The following TTLL5 variants were observed in gnomAD, a reference collection of about 807,000 sequenced individuals.
TTLL5 encodes tubulin tyrosine ligase like 5.
In TTLL5, 132 loss-of-function variants were observed where a neutral mutation model predicts 168.4. The ratio of observed to expected loss-of-function variants is 0.78; its 90% CI spans 0.68 to 0.91. The LOEUF (loss-of-function observed/expected upper bound fraction) is 0.91. Among genes scored for constraint, TTLL5 ranks in the 40% least tolerant of loss-of-function variants. The pLI, the probability that TTLL5 is intolerant of heterozygous loss-of-function variation, is 0.00. For missense variants in TTLL5, 1,545 were observed against 1,581.5 expected (o/e 0.98, Z 0.39); for synonymous variants, 546 against 558.6 (o/e 0.98, Z 0.32).
chr14:75,745,323 T>A, intron 16 of TTLL5, 115 bp downstream of exon 16: 1 of 1,238,450 alleles, frequency 8.1e-7, no homozygotes, highest in East Asian at 2.5e-5. Context: ...AGAGAAAGAT[T>A]CAAGATTGGA....
chr14:75,882,119 C>T (rs958623323), intron 29 of TTLL5, among the ~76,000 whole-genome samples: 2 of 152,152 alleles, frequency 1.3e-5, no homozygotes, highest in African/African-American at 4.8e-5. Context: ...GAATTCTAAA[C>T]TAGCCCTCAA....
chr14:75,914,052 A>ATATATATT (rs1304496430), intron 31 of TTLL5, among the ~76,000 whole-genome samples: 1 of 122,378 alleles, frequency 8.2e-6, no homozygotes, highest in East Asian at 2.6e-4. Context: ...ATATATATAT[A>ATATATATT]TATTTTATCC....
At chr14:75,926,092 G>A (rs572338528) in intron 31 of TTLL5, among the ~76,000 whole-genome samples, 1 of 147,162 alleles carries the variant, frequency 6.8e-6, no homozygotes, top group African/African-American at 2.6e-5. Flanking sequence ...CGTGGGGAGA[G>A]GGAGAGGGAG....
intron 31 of TTLL5, among the ~76,000 whole-genome samples, chr14:75,931,160 C>T (rs900893641): frequency 1.3e-5 from 2 of 152,174 alleles, no homozygotes; most frequent in African/African-American, 4.8e-5. Context: ...ACACACCAAA[C>T]ATGAACATAA....
chr14:75,701,962 G>A (rs568222668), intron 7 of TTLL5, among the ~76,000 whole-genome samples: 8 of 152,332 alleles, frequency 5.3e-5, no homozygotes, highest in African/African-American at 1.9e-4. Flanking sequence ...TGTGTTGTAT[G>A]TGGGACCAGA....
Position 75,936,254 on chromosome 14 carries a change from TAG to T in TTLL5, c.3824-18165_3824-18164del, listed in dbSNP as rs1217871218. On this transcript the variant is annotated intron_variant, in intron 31 of 31. Coordinates refer to ENST00000298832, the MANE Select transcript of TTLL5 (RefSeq NM_015072.5). ...CCTTCTTTGGGTTTTCTTTAGAAAA[TAG>T]AGAGTTCCAAGATTAATTTTCTACG... is the stretch of plus-strand genomic sequence containing the variant. 2.0e-5 allele frequency among the ~76,000 whole-genome samples: 3 copies of T among 152,312 alleles called. No homozygotes were observed. The East Asian group carries it at 5.8e-4, about 29-fold the overall frequency.
chr14:75,945,449 G>T (rs1323449246), intron 31 of TTLL5, among the ~76,000 whole-genome samples: 1 of 151,560 alleles, frequency 6.6e-6, no homozygotes, highest in Admixed American at 6.6e-5. Flanking sequence ...TAGAGACGGG[G>T]TGTCACCATG....
chr14:75,761,971 AGGATATATGATT>A (rs1890676211), intron 18 of TTLL5, among the ~76,000 whole-genome samples: 1 of 152,236 alleles, frequency 6.6e-6, no homozygotes, highest in Non-Finnish European at 1.5e-5. Context: ...TGATGGATGA[AGGATATATGATT>A]GGATATATAC....
intron 19 of TTLL5, among the ~76,000 whole-genome samples, chr14:75,765,400 C>G (rs924262178): frequency 6.6e-6 from 1 of 152,118 alleles, no homozygotes; most frequent in Non-Finnish European, 1.5e-5. Flanking sequence ...GTTCTTTATA[C>G]CTCCGTGAAG....
rs186178987 is a variant in TTLL5, at chr14:75,794,160, G to A, written c.3171+1060G>A. Among the ~76,000 whole-genome samples the A allele has an allele frequency of 5.9e-5, 9 of 152,234 alleles. 1 individual carries two copies. The East Asian group carries it at 1.2e-3, about 20-fold the overall frequency. ...TCAAATCCTTAGTTGTTTGAAGGGA[G>A]TAAATAAGAAGGCCTAATGTGAAAT... On this transcript the variant is annotated intron_variant, in intron 27 of 31. Transcript: ENST00000298832.
At chr14:75,795,007 C>G (rs1892924987) in intron 27 of TTLL5, among the ~76,000 whole-genome samples, 1 of 152,122 alleles carries the variant, frequency 6.6e-6, no homozygotes, top group Non-Finnish European at 1.5e-5. Context: ...TCTCCTGCCA[C>G]TGACTCCTGT....
intron 24 of TTLL5, among the ~76,000 whole-genome samples, chr14:75,780,034 A>G (rs1891954786): frequency 6.6e-6 from 1 of 152,198 alleles, no homozygotes; most frequent in Non-Finnish European, 1.5e-5. Flanking sequence ...AGTGGGCACT[A>G]CTACAGAACC....
chr14:75,794,621 A>G (rs968261829), intron 27 of TTLL5, among the ~76,000 whole-genome samples: 1 of 152,126 alleles, frequency 6.6e-6, no homozygotes, highest in African/African-American at 2.4e-5. Context: ...TTTTTCGTCT[A>G]TAAAGAACTT....
chr14:75,870,627 G>T (rs779192403), intron 29 of TTLL5, among the ~76,000 whole-genome samples: 6 of 152,058 alleles, frequency 3.9e-5, no homozygotes, highest in Non-Finnish European at 7.4e-5. Context: ...ATACAGGAAT[G>T]ATTTCTGTAA....
At chr14:75,706,080 T>C (rs1158651716) in intron 7 of TTLL5, among the ~76,000 whole-genome samples, 2 of 152,184 alleles carry the variant, frequency 1.3e-5, no homozygotes, top group East Asian at 1.9e-4. Flanking sequence ...TCCTTTCTAC[T>C]GGGCTTGGTG....
chr14:75,741,158 T>G lies in TTLL5; in HGVS notation c.1282-3937T>G, dbSNP rs554918448. 5.9e-5 allele frequency among the ~76,000 whole-genome samples: 9 copies of G among 152,366 alleles called. No homozygotes were observed. The South Asian group carries it at 1.7e-3, about 28-fold the overall frequency. Reference sequence around the variant, plus strand: ...GTTCCTTAGCAATGATGGTTAGATATGTAAGGTTTCTTCTCTGGGAAGATT... The same window carrying G: ...GTTCCTTAGCAATGATGGTTAGATAGGTAAGGTTTCTTCTCTGGGAAGATT... On this transcript the variant is annotated intron_variant, in intron 15 of 31. Coordinates refer to ENST00000298832, the MANE Select transcript of TTLL5 (RefSeq NM_015072.5).
chr14:75,762,809 AAG>A (rs921302377), intron 18 of TTLL5, among the ~76,000 whole-genome samples: 3 of 152,208 alleles, frequency 2.0e-5, no homozygotes, highest in African/African-American at 7.2e-5. Context: ...TGTTGATAAA[AAG>A]AAATCTTTTT....
At chr14:75,879,510 CTTTATTTCA>C in intron 29 of TTLL5, among the ~76,000 whole-genome samples, 1 of 152,296 alleles carries the variant, frequency 6.6e-6, no homozygotes, top group African/African-American at 2.4e-5. Context: ...TAGGTCTTTG[CTTTATTTCA>C]AGAAATCCTT....
chr14:75,702,653 T>C (rs779723394), intron 7 of TTLL5, among the ~76,000 whole-genome samples: 4 of 99,344 alleles, frequency 4.0e-5, no homozygotes, highest in African/African-American at 5.8e-5. Flanking sequence ...CGAATCTCAG[T>C]GGGGTGACAT....
Sources: allele counts gnomAD v4.1 joint callset (sites outside exome capture counted in the v4.1 genomes callset), GRCh38; gene constraint gnomAD v4.1.1; transcripts MANE v1.5; gene names NCBI Gene and HGNC (gene_info 2026-07-23, HGNC 2026-07-21).